MACROD2: variants seen among roughly 807,000 people sequenced by gnomAD.
The protein encoded by MACROD2 is mono-ADP ribosylhydrolase 2.
In MACROD2, 36 loss-of-function variants were observed where a neutral mutation model predicts 70.4. The ratio of observed to expected loss-of-function variants is 0.51; its 90% CI spans 0.39 to 0.68. The LOEUF (loss-of-function observed/expected upper bound fraction) is 0.68, where lower values mean the gene tolerates loss of function less well. Ranked by LOEUF, MACROD2 falls within the 30% of genes least tolerant of loss-of-function variation. The probability of loss-of-function intolerance (pLI) is 0.00; values close to 1 mark genes in which losing one functional copy is unlikely to be tolerated. For missense variants in MACROD2, 496 were observed against 538.4 expected (o/e 0.92, Z 0.78); for synonymous variants, 172 against 178.8 (o/e 0.96, Z 0.30).
At chr20:14,419,698 A>G (rs974403767) in intron 3 of MACROD2, among the ~76,000 whole-genome samples, 1 of 152,216 alleles carries the variant, frequency 6.6e-6, no homozygotes, top group African/African-American at 2.4e-5. Context: ...TTTAAATAAA[A>G]TCAAATGTTT....
At chr20:15,018,883 A>G (rs1267650229) in intron 5 of MACROD2, among the ~76,000 whole-genome samples, 1 of 152,170 alleles carries the variant, frequency 6.6e-6, no homozygotes, top group Non-Finnish European at 1.5e-5. Context: ...CCATCACACC[A>G]TGTGACATGC....
At chr20:15,641,653 G>A (rs568610405) in intron 8 of MACROD2, among the ~76,000 whole-genome samples, 2 of 152,290 alleles carry the variant, frequency 1.3e-5, no homozygotes, top group South Asian at 2.1e-4. Flanking sequence ...TAACACACAA[G>A]CGTCTTACAC....
intron 3 of MACROD2, among the ~76,000 whole-genome samples, chr20:14,488,946 C>A (rs2084764092): frequency 6.6e-6 from 1 of 152,152 alleles, no homozygotes; most frequent in African/African-American, 2.4e-5. Context: ...TGTGAATCAT[C>A]CCAAGTAAGA....
chr20:15,342,055 G>GA (rs1205384409), intron 6 of MACROD2, among the ~76,000 whole-genome samples: 1 of 151,640 alleles, frequency 6.6e-6, no homozygotes, highest in Non-Finnish European at 1.5e-5. Context: ...CCCTGCCCCT[G>GA]AAAAAAACCC....
At chr20:15,103,113 C>T (rs60835872) in intron 5 of MACROD2, among the ~76,000 whole-genome samples, 257 of 152,168 alleles carry the variant, frequency 1.7e-3, no homozygotes, top group African/African-American at 5.8e-3. Context: ...AAGGAATACA[C>T]AGATCTCAAT....
intron 2 of MACROD2, among the ~76,000 whole-genome samples, chr20:14,065,402 A>G (rs1158365551): frequency 6.6e-6 from 1 of 152,074 alleles, no homozygotes; most frequent in African/African-American, 2.4e-5. Context: ...TCTTTATTTC[A>G]TGCTTCTTGG....
At chr20:15,106,832 G>C (rs1248321298) in intron 5 of MACROD2, among the ~76,000 whole-genome samples, 1 of 151,738 alleles carries the variant, frequency 6.6e-6, no homozygotes, top group Non-Finnish European at 1.5e-5. Context: ...CTATTACAGT[G>C]ATCTGCCATA....
intron 5 of MACROD2, among the ~76,000 whole-genome samples, chr20:14,816,985 T>C (rs943322554): frequency 1.3e-5 from 2 of 152,128 alleles, no homozygotes; most frequent in African/African-American, 4.8e-5. Context: ...AAAGCACATA[T>C]ATTAACATTA....
chr20:14,610,113 G>A (rs986560199), intron 4 of MACROD2, among the ~76,000 whole-genome samples: 1 of 152,052 alleles, frequency 6.6e-6, no homozygotes, highest in Admixed American at 6.6e-5. Flanking sequence ...ATCTGATTTG[G>A]CAAACAAATA....
At chr20:14,180,298 A>G (rs1039330795) in intron 3 of MACROD2, among the ~76,000 whole-genome samples, 1 of 152,120 alleles carries the variant, frequency 6.6e-6, no homozygotes, top group African/African-American at 2.4e-5. Context: ...CCACAGGTTT[A>G]ATGCAGAGAG....
rs1159376381 is a variant in MACROD2 at position 14,179,592 on chromosome 20, G to A, written c.271+93864G>A. On this transcript the variant is annotated intron_variant, in intron 3 of 17. Coordinates refer to ENST00000684519, the MANE Select transcript of MACROD2 (RefSeq NM_001351661.2). The stretch of plus-strand genomic sequence containing the variant: ...TTGATTACATTAGAAACACAAAGAT[G>A]AGTAAGAAATCATTTTTGCATCAAG... Among the ~76,000 whole-genome samples the A allele has an allele frequency of 2.0e-5, 3 of 152,118 alleles. No individual in the cohort carries two copies. The South Asian group carries it at 6.2e-4, about 32-fold the overall frequency.
chr20:15,042,643 A>C (rs752525012), intron 5 of MACROD2, among the ~76,000 whole-genome samples: 1 of 152,214 alleles, frequency 6.6e-6, no homozygotes, highest in Non-Finnish European at 1.5e-5. Context: ...TTTCTGCCTC[A>C]GGATTGTGGA....
At chr20:14,148,591 T>C (rs991843039) in intron 3 of MACROD2, among the ~76,000 whole-genome samples, 2 of 152,216 alleles carry the variant, frequency 1.3e-5, no homozygotes, top group African/African-American at 4.8e-5. Flanking sequence ...CACTGTTACA[T>C]ATTCTTTCAA....
At chr20:14,947,608 A>C (rs186657062) in intron 5 of MACROD2, among the ~76,000 whole-genome samples, 2 of 152,280 alleles carry the variant, frequency 1.3e-5, no homozygotes, top group Admixed American at 1.3e-4. Flanking sequence ...AGAGTCACCT[A>C]GAGGGCTTAT....
At chr20:15,531,000 C>CT (rs10676355) in intron 8 of MACROD2, among the ~76,000 whole-genome samples, 35,167 of 134,502 alleles carry the variant, frequency 0.26, 5,267 homozygotes, top group African/African-American at 0.43. Flanking sequence ...AATAACTTCG[C>CT]TTTTTTTTTT....
At chr20:14,128,318 C>A (rs1184251173) in intron 3 of MACROD2, 4 of 176,002 alleles carry the variant, frequency 2.3e-5, no homozygotes, top group African/African-American at 9.5e-5. Flanking sequence ...AAACTATGAA[C>A]AACAGTGGAA....
intron 5 of MACROD2, among the ~76,000 whole-genome samples, chr20:14,898,134 ACT>A (rs1315885204): frequency 2.6e-5 from 4 of 152,120 alleles, no homozygotes; most frequent in African/African-American, 7.2e-5. Context: ...TTAAAAGATA[ACT>A]CTTTTTGAAA....
At chr20:14,402,375 C>A (rs893958596) in intron 3 of MACROD2, among the ~76,000 whole-genome samples, 1 of 152,174 alleles carries the variant, frequency 6.6e-6, no homozygotes, top group Admixed American at 6.5e-5. Context: ...ATCCTTAATT[C>A]TTGCCTTTTC....
chr20:15,350,964 C>T (rs753551599), intron 6 of MACROD2, among the ~76,000 whole-genome samples: 1 of 152,144 alleles, frequency 6.6e-6, no homozygotes, highest in Non-Finnish European at 1.5e-5. Flanking sequence ...AAAACCTCAT[C>T]TGTAACATGA....
Sources: gnomAD v4.1 joint callset for allele counts (sites outside exome capture counted in the v4.1 genomes callset) on GRCh38, gnomAD v4.1.1 for gene constraint, MANE v1.5 for transcripts, NCBI Gene and HGNC (gene_info 2026-07-23, HGNC 2026-07-21) for gene names.